Variants in BNC2 observed in about 807,000 individuals in gnomAD.
BNC2 encodes basonuclin zinc finger protein 2.
BNC2 carries 20 observed loss-of-function variants against 76.3 expected under a neutral mutation model. The observed-to-expected ratio is 0.26, with a 90% CI of 0.18 to 0.38. The LOEUF (loss-of-function observed/expected upper bound fraction) is 0.38. BNC2 is among the 10% of genes least tolerant of loss of function. The probability of loss-of-function intolerance (pLI) is 1.00; values close to 1 mark genes in which losing one functional copy is unlikely to be tolerated. For missense variants in BNC2, 1,382 were observed against 1,399.8 expected (o/e 0.99, Z 0.20); for synonymous variants, 582 against 514.8 (o/e 1.13, Z -1.77).
intron 1 of BNC2, among the ~76,000 whole-genome samples, chr9:16,758,443 G>A (rs1182978290): frequency 6.6e-6 from 1 of 151,946 alleles, no homozygotes; most frequent in Non-Finnish European, 1.5e-5. Flanking sequence ...AGATTCTCCT[G>A]CCTCAGCTTC....
intron 1 of BNC2, among the ~76,000 whole-genome samples, chr9:16,767,984 T>C (rs1198959377): frequency 1.3e-5 from 2 of 151,058 alleles, no homozygotes; most frequent in Non-Finnish European, 1.5e-5. Flanking sequence ...TTTTTTTTTT[T>C]AGATGAAGTT....
chr9:16,476,235 C>T (rs1296299279), intron 5 of BNC2: 2 of 152,200 alleles, frequency 1.3e-5, no homozygotes, highest in South Asian at 2.1e-4. Flanking sequence ...ACAGTATCTA[C>T]TCCCCTGTGG....
chr9:16,794,563 A>T (rs1817595844), intron 1 of BNC2, among the ~76,000 whole-genome samples: 1 of 152,166 alleles, frequency 6.6e-6, no homozygotes, highest in Admixed American at 6.5e-5. Flanking sequence ...TATAGTCATT[A>T]TCATCATCTA....
chr9:16,575,875 T>C (rs1158319650), intron 4 of BNC2, among the ~76,000 whole-genome samples: 1 of 152,226 alleles, frequency 6.6e-6, no homozygotes, highest in Non-Finnish European at 1.5e-5. Flanking sequence ...ATTTTGCAGC[T>C]AGGCAAAGCC....
At chr9:16,761,365 T>C (rs541745374) in intron 1 of BNC2, among the ~76,000 whole-genome samples, 1 of 152,358 alleles carries the variant, frequency 6.6e-6, no homozygotes, top group East Asian at 1.9e-4. Flanking sequence ...CCACTTGTTT[T>C]ACTCTTGATG....
intron 4 of BNC2, among the ~76,000 whole-genome samples, chr9:16,581,347 C>T (rs577372719): frequency 4.6e-5 from 7 of 152,246 alleles, no homozygotes; most frequent in African/African-American, 9.6e-5. Context: ...ATCATGAGGT[C>T]GGGAGTTCGA....
intron 2 of BNC2, among the ~76,000 whole-genome samples, chr9:16,735,735 C>T (rs1041084800): frequency 1.3e-5 from 2 of 151,814 alleles, no homozygotes; most frequent in Non-Finnish European, 2.9e-5. Context: ...GAACTCCTGG[C>T]CTCAATTGAT....
intron 1 of BNC2, among the ~76,000 whole-genome samples, chr9:16,822,287 T>C (rs777079532): frequency 6.6e-6 from 1 of 152,070 alleles, no homozygotes; most frequent in East Asian, 1.9e-4. Flanking sequence ...CTAGACTCTG[T>C]TTTCTAACAT....
At chr9:16,582,892 GACACACACACACACACACACAC>G (rs149223772) in intron 4 of BNC2, 69 bp downstream of exon 4, 43 of 626,970 alleles carry the variant, frequency 6.9e-5, no homozygotes, top group Non-Finnish European at 1.1e-4. Flanking sequence ...CCTCTAAACA[GACACACACACACACACACACAC>G]ACACACACAC....
chr9:16,832,277 G>A (rs574939405), intron 1 of BNC2: 16 of 1,284,450 alleles, frequency 1.2e-5, no homozygotes, highest in East Asian at 5.6e-5. Flanking sequence ...GTTCTTTGAC[G>A]TCATCAGTCA....
At chr9:16,785,909 G>A (rs1248218449) in intron 1 of BNC2, among the ~76,000 whole-genome samples, 1 of 152,082 alleles carries the variant, frequency 6.6e-6, no homozygotes, top group Non-Finnish European at 1.5e-5. Context: ...GGGCCTTGAA[G>A]GAAAATCCAC....
At chr9:16,556,305 C>T (rs926530067) in intron 4 of BNC2, among the ~76,000 whole-genome samples, 1 of 151,846 alleles carries the variant, frequency 6.6e-6, no homozygotes, top group South Asian at 2.1e-4. Context: ...AACAAACAAA[C>T]AAACTTTATT....
intron 3 of BNC2, among the ~76,000 whole-genome samples, chr9:16,651,584 T>A (rs1215373339): frequency 2.0e-5 from 3 of 152,180 alleles, no homozygotes; most frequent in African/African-American, 7.2e-5. Context: ...GTTCCTCACG[T>A]TAAATTACTG....
At chr9:16,433,131 A>T (rs975434173) in intron 6 of BNC2, among the ~76,000 whole-genome samples, 4 of 152,284 alleles carry the variant, frequency 2.6e-5, no homozygotes, top group Non-Finnish European at 5.9e-5. Context: ...ATAACATTAT[A>T]TTAATTCAAG....
chr9:16,834,694 C>A (rs974313975), intron 1 of BNC2, among the ~76,000 whole-genome samples: 3 of 151,628 alleles, frequency 2.0e-5, no homozygotes, highest in Non-Finnish European at 4.4e-5. Context: ...GAACTCCCTA[C>A]AAGTAAGTGA....
intron 5 of BNC2, among the ~76,000 whole-genome samples, chr9:16,504,613 C>T (rs1022792342): frequency 6.6e-6 from 1 of 152,160 alleles, no homozygotes; most frequent in African/African-American, 2.4e-5. Context: ...TCTAGATCTT[C>T]TGTAAAAAAC....
intron 3 of BNC2, among the ~76,000 whole-genome samples, chr9:16,668,322 C>A (rs374208951): frequency 3.3e-5 from 5 of 152,252 alleles, no homozygotes; most frequent in Admixed American, 2.0e-4. Flanking sequence ...ACCGCGGGAG[C>A]TCGATGTGTT....
intron 1 of BNC2, among the ~76,000 whole-genome samples, chr9:16,850,103 G>A (rs75361702): frequency 0.012 from 1,844 of 152,174 alleles, 37 homozygotes; most frequent in African/African-American, 0.042. Context: ...AAACCATTTC[G>A]TATCATGAAG....
intron 3 of BNC2, among the ~76,000 whole-genome samples, chr9:16,634,861 G>C (rs902250403): frequency 6.7e-6 from 1 of 149,890 alleles, no homozygotes; most frequent in Non-Finnish European, 1.5e-5. Context: ...ACTGAGGGGA[G>C]GGGGAACACA....
Sources: allele counts gnomAD v4.1 joint callset (sites outside exome capture counted in the v4.1 genomes callset), GRCh38; gene constraint gnomAD v4.1.1; transcripts MANE v1.5; gene names NCBI Gene and HGNC (gene_info 2026-07-23, HGNC 2026-07-21).